The following ADAM2 variants were observed in gnomAD, a reference collection of about 807,000 sequenced individuals.
The protein encoded by ADAM2 is ADAM metallopeptidase domain 2, also known as disintegrin and metalloproteinase domain-containing protein 2.
ADAM2 carries 101 observed loss-of-function variants against 99.3 expected under a neutral mutation model. The ratio of observed to expected loss-of-function variants is 1.02; its 90% CI spans 0.87 to 1.20. The LOEUF is 1.20. ADAM2 is among the 50% of genes most tolerant of loss of function. The pLI, the probability that ADAM2 is intolerant of heterozygous loss-of-function variation, is 0.00. For synonymous variants in ADAM2, 323 were observed against 287.6 expected, an observed-to-expected ratio of 1.12 and a Z score of -1.25; for missense variants, 948 against 878.7, an observed-to-expected ratio of 1.08 and a Z score of -1.00.
chr8:39,752,598 G>A (rs745389087), intron 16 of ADAM2, among the ~76,000 whole-genome samples: 8 of 152,166 alleles, frequency 5.3e-5, no homozygotes, highest in Non-Finnish European at 1.2e-4. Context: ...GACTGCTAGG[G>A]AAAGGTGCAG....
rs148218480 is a variant in ADAM2 at position 39,778,766 on chromosome 8, A to T, written c.892-1605T>A. Among the ~76,000 whole-genome samples the T allele has an allele frequency of 9.8e-4, 149 of 152,236 alleles. 1 individual carries two copies. Among genetic ancestry groups the T allele is most frequent in the African/African-American group, 3.5e-3 (145 of 41,558 alleles). ...GGAGAAGGAGAGAGAATGATTCTACAGGGAATAAATTGAAGGATTCAGCTA... is the reference window on the plus strand; with the variant it reads ...GGAGAAGGAGAGAGAATGATTCTACTGGGAATAAATTGAAGGATTCAGCTA... On this transcript the variant is annotated intron_variant, in intron 10 of 20. Transcript: ENST00000265708.
rs1802602009 is a variant in ADAM2 at position 39,767,133 on chromosome 8, AT to A, written c.1311+19del. On this transcript the variant is annotated intron_variant, in intron 13 of 20. Coordinates refer to ENST00000265708, the MANE Select transcript of ADAM2 (RefSeq NM_001464.5). ...AACTACTTATGTAGGTAATATTGAAATTTTTCAAAAAGCTCTTACTAGACAG... is the reference window on the plus strand; with the variant it reads ...AACTACTTATGTAGGTAATATTGAAATTTTCAAAAAGCTCTTACTAGACAG... 6.2e-7 allele frequency: 1 copy of A among 1,600,282 alleles called. No homozygotes were observed. The highest frequency in any genetic ancestry group is 8.5e-7 in the Non-Finnish European group (1 of 1,175,062).
chr8:39,791,096 A>G (rs955923700), intron 7 of ADAM2, among the ~76,000 whole-genome samples: 1 of 151,912 alleles, frequency 6.6e-6, no homozygotes, highest in Non-Finnish European at 1.5e-5. Context: ...GAATGGGGTG[A>G]CTTATGCTAA....
At chr8:39,781,865 G>A (rs1240993742) in intron 10 of ADAM2, among the ~76,000 whole-genome samples, 1 of 152,118 alleles carries the variant, frequency 6.6e-6, no homozygotes, top group Non-Finnish European at 1.5e-5. Flanking sequence ...GTTGGTGGAA[G>A]GACATACAAA....
intron 7 of ADAM2, among the ~76,000 whole-genome samples, chr8:39,789,736 A>T (rs1039819660): frequency 2.6e-5 from 4 of 151,768 alleles, no homozygotes; most frequent in African/African-American, 9.7e-5. Flanking sequence ...AAATGACACC[A>T]TCAAGAAAAC....
intron 12 of ADAM2, among the ~76,000 whole-genome samples, chr8:39,767,815 A>G (rs1220707106): frequency 2.0e-5 from 3 of 152,132 alleles, no homozygotes; most frequent in South Asian, 2.1e-4. Context: ...TAGTTCATCT[A>G]TGCCCAGTGA....
chr8:39,763,347 A>G (rs990129138), intron 14 of ADAM2, among the ~76,000 whole-genome samples: 11 of 152,218 alleles, frequency 7.2e-5, no homozygotes, highest in African/African-American at 2.4e-4. Context: ...CAAAAACTGC[A>G]TCCTGGGATA....
intron 14 of ADAM2, among the ~76,000 whole-genome samples, chr8:39,765,899 G>A (rs1160648150): frequency 7.1e-6 from 1 of 141,386 alleles, no homozygotes; most frequent in South Asian, 2.6e-4. Context: ...CCACCTATCT[G>A]TTTCTATGAA....
intron 4 of ADAM2, among the ~76,000 whole-genome samples, chr8:39,824,288 A>G (rs1805312145): frequency 6.6e-6 from 1 of 151,704 alleles, no homozygotes; most frequent in Non-Finnish European, 1.5e-5. Flanking sequence ...AAAAAAAAAA[A>G]AAAAAAGAAC....
At chr8:39,744,808 TA>T (rs1563329627) in intron 20 of ADAM2, 21 bp downstream of exon 20, 6 of 1,508,430 alleles carry the variant, frequency 4.0e-6, no homozygotes, top group South Asian at 1.2e-5. Context: ...AAATAAATTT[TA>T]AAAAAATGAA....
chr8:39,749,723 C>T lies in ADAM2; in HGVS notation c.1819G>A (p.Val607Met). 1 of 1,612,258 alleles carries T rather than the reference C, an allele frequency of 6.2e-7. No individual in the cohort carries two copies. The highest frequency in any genetic ancestry group is 8.5e-7 in the Non-Finnish European group (1 of 1,178,822). ...SNKVCRNQRC[V>M]SSSYLGYDCT... ...TCATAACCCAAGTATGAAGAACTCA[C>T]ACATCTTTGATTCCTGCAAACCTAA... The change falls in exon 17 of 21, where the codon GTG becomes ATG. Residue 607 changes from valine to methionine, a missense_variant. By Grantham distance (21) the Val-to-Met change is conservative (BLOSUM62 1). Transcript: ENST00000265708.
intron 7 of ADAM2, among the ~76,000 whole-genome samples, chr8:39,801,672 C>T (rs1034556396): frequency 6.6e-6 from 1 of 151,832 alleles, no homozygotes. Flanking sequence ...CCTGGGGGCT[C>T]AGGCTCAGGG....
At chr8:39,747,332 G>A (rs185540263) in intron 18 of ADAM2, among the ~76,000 whole-genome samples, 1 of 152,218 alleles carries the variant, frequency 6.6e-6, no homozygotes, top group Admixed American at 6.5e-5. Flanking sequence ...ATTAAACAAA[G>A]GCCACACTCG....
At chr8:39,748,125 A>G (rs1363316687) in intron 18 of ADAM2, among the ~76,000 whole-genome samples, 3 of 152,190 alleles carry the variant, frequency 2.0e-5, no homozygotes, top group South Asian at 2.1e-4. Context: ...AGTGCAATCA[A>G]ATTTCAAATA....
intron 10 of ADAM2, among the ~76,000 whole-genome samples, chr8:39,781,959 T>C (rs1287974294): frequency 6.6e-6 from 1 of 152,172 alleles, no homozygotes; most frequent in Non-Finnish European, 1.5e-5. Flanking sequence ...ACTGTATTTA[T>C]TTGGAGGAAA....
At chr8:39,796,797 G>A (rs1417121430) in intron 7 of ADAM2, among the ~76,000 whole-genome samples, 1 of 152,180 alleles carries the variant, frequency 6.6e-6, no homozygotes, top group Non-Finnish European at 1.5e-5. Flanking sequence ...TATTAGTGAT[G>A]TGGAGCTTTT....
At chr8:39,805,108 A>G (rs538372150) in intron 7 of ADAM2, among the ~76,000 whole-genome samples, 4 of 152,342 alleles carry the variant, frequency 2.6e-5, no homozygotes, top group African/African-American at 9.6e-5. Flanking sequence ...GTGTCCTTAT[A>G]GACTGAAAGG....
At chr8:39,787,945 C>A in intron 9 of ADAM2, 140 bp downstream of exon 9, 1 of 510,096 alleles carries the variant, frequency 2.0e-6, no homozygotes, top group South Asian at 5.2e-5. Flanking sequence ...ATATAAATAC[C>A]ATGTTGTGAA....
chr8:39,788,760 T>G lies in ADAM2; in HGVS notation c.571-20A>C. ...ATTATACTGTAAAATATTATTACAT[T>G]TTAGATATAAATATATATTGCTTAA... On this transcript the variant is annotated intron_variant, in intron 7 of 20. Transcript: ENST00000265708. 1 of 1,309,954 alleles carries G rather than the reference T, an allele frequency of 7.6e-7. No individual in the cohort carries two copies. Among genetic ancestry groups the G allele is most frequent in the Non-Finnish European group, 1.0e-6 (1 of 961,096 alleles). 81.1% of individuals were successfully genotyped at this position (1,309,954 alleles called of 1,614,324 possible).
Sources: gnomAD v4.1 joint callset for allele counts (sites outside exome capture counted in the v4.1 genomes callset) on GRCh38, gnomAD v4.1.1 for gene constraint, MANE v1.5 for transcripts, NCBI Gene and HGNC (gene_info 2026-07-23, HGNC 2026-07-21) for gene names.